NYAP2: variants seen among roughly 807,000 people sequenced by gnomAD.
The protein encoded by NYAP2 is neuronal tyrosine-phosphorylated phosphoinositide-3-kinase adapter 2.
In NYAP2, 23 loss-of-function variants were observed where a neutral mutation model predicts 50.4. That is an observed-to-expected ratio of 0.46 (90% CI 0.33 to 0.65). NYAP2 has a LOEUF of 0.65. Among genes scored for constraint, NYAP2 ranks in the 30% least tolerant of loss-of-function variants. The probability of loss-of-function intolerance (pLI) is 0.02; values close to 1 mark genes in which losing one functional copy is unlikely to be tolerated. For missense variants in NYAP2, 885 were observed against 861.0 expected (o/e 1.03, Z -0.35); for synonymous variants, 394 against 365.2 (o/e 1.08, Z -0.90).
intron 4 of NYAP2, 70 bp downstream of exon 4, chr2:225,513,742 G>A: frequency 4.0e-6 from 5 of 1,263,704 alleles, no homozygotes; most frequent in Non-Finnish European, 5.2e-6. Context: ...GCATGCCCAG[G>A]GGCAAGTGCC....
intron 4 of NYAP2, among the ~76,000 whole-genome samples, chr2:225,556,519 G>C (rs1218756913): frequency 6.6e-6 from 1 of 152,176 alleles, no homozygotes; most frequent in Non-Finnish European, 1.5e-5. Context: ...TGGCTCTGCT[G>C]TTCCTTGAGC....
rs150145083 is a variant in NYAP2 at position 225,401,380 on chromosome 2, T to A, written c.-18+337T>A. Among the ~76,000 whole-genome samples, 539 of 152,214 alleles carry A rather than the reference T, an allele frequency of 3.5e-3. 3 individuals carry two copies. The highest frequency in any genetic ancestry group is 0.012 in the African/African-American group (512 of 41,550). Reference sequence around the variant, plus strand: ...TGGCATTCAAGTTGTGCATGCTAGCTATTTATCCGCTATTCCATACCATAA... The same window carrying A: ...TGGCATTCAAGTTGTGCATGCTAGCAATTTATCCGCTATTCCATACCATAA... On this transcript the variant is annotated intron_variant, in intron 2 of 6. Coordinates refer to ENST00000636099, the Ensembl canonical transcript of NYAP2.
rs753357006 is a variant in NYAP2, at chr2:225,626,941, G to A, written c.1643G>A (p.Arg548Gln). Residue 548 changes from arginine to glutamine, a missense_variant, in exon 6 of 7, where the codon CGA becomes CAA. Coordinates refer to ENST00000636099, the Ensembl canonical transcript of NYAP2. ...GAATCAACAGAGGAACTGAAAGTCCGAAGCCACAGCACGGAGCCATTACCA... is the reference window on the plus strand; with the variant it reads ...GAATCAACAGAGGAACTGAAAGTCCAAAGCCACAGCACGGAGCCATTACCA... 7.6e-6 allele frequency: 12 copies of A among 1,579,574 alleles called. No homozygotes were observed. In the East Asian group the frequency reaches 1.2e-4, roughly 15 times the overall value.
At chr2:225,416,981 C>T (rs1418555555) in intron 3 of NYAP2, among the ~76,000 whole-genome samples, 1 of 152,130 alleles carries the variant, frequency 6.6e-6, no homozygotes, top group Non-Finnish European at 1.5e-5. Flanking sequence ...GGTAATCTTT[C>T]TTTGAAAAGT....
chr2:225,678,659 T>A, the NYAP2 span, among the ~76,000 whole-genome samples: 3 of 152,182 alleles, frequency 2.0e-5, no homozygotes, highest in Non-Finnish European at 4.4e-5. Flanking sequence ...ACTTTTCGTT[T>A]CTTTCTTGGA....
At chr2:225,666,576 C>T in the NYAP2 span, among the ~76,000 whole-genome samples, 4 of 152,108 alleles carry the variant, frequency 2.6e-5, no homozygotes, top group Non-Finnish European at 5.9e-5. Context: ...TAAATTTCAA[C>T]ATTTTTTGAT....
chr2:225,675,352 T>C, the NYAP2 span, among the ~76,000 whole-genome samples: 3 of 152,112 alleles, frequency 2.0e-5, no homozygotes, highest in Non-Finnish European at 4.4e-5. Context: ...TACATTCATG[T>C]GTAGTCACTG....
At chr2:225,669,237 ATC>A in the NYAP2 span, among the ~76,000 whole-genome samples, 2 of 152,188 alleles carry the variant, frequency 1.3e-5, no homozygotes, top group Non-Finnish European at 2.9e-5. Context: ...TCATGACTCT[ATC>A]TCTTTCTTTT....
intron 3 of NYAP2, among the ~76,000 whole-genome samples, chr2:225,485,864 G>A (rs917382109): frequency 1.3e-4 from 20 of 152,190 alleles, no homozygotes; most frequent in Non-Finnish European, 1.5e-5. Context: ...ATGAGTTTTT[G>A]CTGATGCAGC....
At chr2:225,570,582 T>C (rs1692050616) in intron 4 of NYAP2, among the ~76,000 whole-genome samples, 1 of 152,156 alleles carries the variant, frequency 6.6e-6, no homozygotes, top group Non-Finnish European at 1.5e-5. Context: ...TCAGATCTCA[T>C]GAGAACTCAC....
chr2:225,458,178 G>A (rs1000400006), intron 3 of NYAP2, among the ~76,000 whole-genome samples: 6 of 151,970 alleles, frequency 3.9e-5, no homozygotes, highest in African/African-American at 1.5e-4. Context: ...AATCTCTTTT[G>A]TATTCTACAT....
chr2:225,638,767 C>T (rs1354143294), intron 6 of NYAP2, among the ~76,000 whole-genome samples: 2 of 152,186 alleles, frequency 1.3e-5, no homozygotes, highest in Non-Finnish European at 2.9e-5. Flanking sequence ...GTGCCAGGCC[C>T]TTGAAGAACC....
At chr2:225,436,836 C>T (rs1335367354) in intron 3 of NYAP2, among the ~76,000 whole-genome samples, 1 of 151,858 alleles carries the variant, frequency 6.6e-6, no homozygotes, top group African/African-American at 2.4e-5. Flanking sequence ...CATCTTCACT[C>T]CCACTGTCTC....
chr2:225,558,965 T>C (rs960478906), intron 4 of NYAP2, among the ~76,000 whole-genome samples: 1 of 152,170 alleles, frequency 6.6e-6, no homozygotes, highest in African/African-American at 2.4e-5. Flanking sequence ...CCAGCTTGTT[T>C]ACTTTGGGTA....
chr2:225,608,776 G>A (rs1416718098), intron 5 of NYAP2, among the ~76,000 whole-genome samples: 1 of 152,060 alleles, frequency 6.6e-6, no homozygotes, highest in Non-Finnish European at 1.5e-5. Flanking sequence ...GGTCACTTTT[G>A]CCTTATTCTT....
chr2:225,624,732 G>A lies in NYAP2; in HGVS notation c.1619-2185G>A, dbSNP rs144879079. On this transcript the variant is annotated intron_variant, in intron 5 of 6. Coordinates refer to ENST00000636099, the Ensembl canonical transcript of NYAP2. ...TTTAACTCAATACTACTTTTTATGT[G>A]TCTGGCACTTTTTAGTTTTCAAAAT... Among the ~76,000 whole-genome samples, 1,014 of 152,188 alleles carry A rather than the reference G, an allele frequency of 6.7e-3. 5 individuals carry two copies. Among genetic ancestry groups the A allele is most frequent in the Non-Finnish European group, 9.9e-3 (673 of 68,006 alleles).
At position 225,582,435 on chromosome 2, in the gene NYAP2, C is replaced by A. The variant is rs138393299; in HGVS notation, c.1018C>A (p.Pro340Thr). The change falls in exon 5 of 7, where the codon CCC (proline) becomes ACC (threonine). Residue 340 changes from proline to threonine, a missense_variant. Coordinates refer to ENST00000636099, the Ensembl canonical transcript of NYAP2. This position sits in a 1 kb window ranked among gnomAD's most constrained non-coding sequence, Gnocchi z 7.0. ...TCACAGACCCCCGCTGCTGGTATTT[C>A]CCCCCGCCCCCGTGCATTGCTCCCC... 8 of 1,058,764 alleles carry A rather than the reference C, an allele frequency of 7.6e-6. 1 individual carries two copies. The highest frequency in any genetic ancestry group is 4.9e-4 in the Middle Eastern group (2 of 4,068). The allele number at this position is 1,058,764 out of a possible 1,614,324, so 65.6% of individuals were successfully genotyped here.
intron 3 of NYAP2, among the ~76,000 whole-genome samples, chr2:225,424,701 T>C (rs1695261087): frequency 6.6e-6 from 1 of 152,136 alleles, no homozygotes; most frequent in African/African-American, 2.4e-5. Flanking sequence ...TTTATATTTA[T>C]TCTATTGTCT....
At position 225,503,580 on chromosome 2, in the gene NYAP2, T is replaced by TA. The variant is rs1030547812; in HGVS notation, c.222-9784dup. Among the ~76,000 whole-genome samples, 22 of 152,282 alleles carry TA rather than the reference T, an allele frequency of 1.4e-4. 1 individual carries two copies. Among genetic ancestry groups the TA allele is most frequent in the African/African-American group, 4.8e-4 (20 of 41,570 alleles). On this transcript the variant is annotated intron_variant, in intron 3 of 6. Transcript: ENST00000636099. Reference sequence around the variant, plus strand: ...GAAGAAAAGGAACTTTGATAGAGGTTAAAAAAATCTCTCTACTTCCCTCTG... The same window carrying TA: ...GAAGAAAAGGAACTTTGATAGAGGTTAAAAAAAATCTCTCTACTTCCCTCTG...
Sources: allele counts gnomAD v4.1 joint callset (sites outside exome capture counted in the v4.1 genomes callset), GRCh38; gene constraint gnomAD v4.1.1; non-coding constraint Gnocchi (gnomAD v3.1); transcripts MANE v1.5; gene names NCBI Gene and HGNC (gene_info 2026-07-23, HGNC 2026-07-21).